COL13A1: variants seen among roughly 807,000 people sequenced by gnomAD.
COL13A1 encodes the protein collagen alpha-1(XIII) chain.
In COL13A1, 89 loss-of-function variants were observed where a neutral mutation model predicts 130.9. The ratio of observed to expected loss-of-function variants is 0.68; its 90% CI spans 0.57 to 0.81. The LOEUF (loss-of-function observed/expected upper bound fraction) is 0.81. Among genes scored for constraint, COL13A1 ranks in the 30% least tolerant of loss-of-function variants. The pLI is 0.00. For missense variants in COL13A1, 879 were observed against 934.6 expected (o/e 0.94, Z 0.78); for synonymous variants, 402 against 341.6 (o/e 1.18, Z -1.95).
intron 17 of COL13A1, among the ~76,000 whole-genome samples, chr10:69,910,614 C>T (rs929828578): frequency 2.6e-5 from 4 of 152,216 alleles, no homozygotes; most frequent in Non-Finnish European, 5.9e-5. Flanking sequence ...CCCTGTGCTG[C>T]CCCCATGCCC....
chr10:69,935,076 T>C (rs1045716011), intron 31 of COL13A1, among the ~76,000 whole-genome samples: 2 of 151,176 alleles, frequency 1.3e-5, no homozygotes, highest in Non-Finnish European at 2.9e-5. Flanking sequence ...GGTGTTTTTT[T>C]TGTTTTTTTT....
intron 5 of COL13A1, among the ~76,000 whole-genome samples, chr10:69,875,501 G>GC (rs1220479282): frequency 6.6e-6 from 1 of 152,130 alleles, no homozygotes; most frequent in Non-Finnish European, 1.5e-5. Context: ...CTGCCACTCC[G>GC]CCCCCCAAAG....
chr10:69,937,654 G>C lies in COL13A1; in HGVS notation c.1817G>C (p.Gly606Ala), dbSNP rs745636298. Residue 606 changes from glycine to alanine, a missense_variant, in exon 34 of 41, where the codon GGA (glycine) becomes GCA (alanine). By Grantham distance (60) the Gly-to-Ala change is moderately conservative. Transcript: ENST00000645393. ...CTCCAGGGGGAAGCAGGACTAGATG[G>C]AGCAAAAGGAGAGAAAGGCTTCCAG... ...PGPKGEAGLD[G>A]AKGEKGFQGE... 2 of 1,563,142 alleles carry C rather than the reference G, an allele frequency of 1.3e-6. No individual in the cohort carries two copies. The highest frequency in any genetic ancestry group is 2.2e-5 in the South Asian group (2 of 89,944).
At chr10:69,946,221 C>T (rs12780431) in intron 37 of COL13A1, among the ~76,000 whole-genome samples, 30,058 of 152,184 alleles carry the variant, frequency 0.2, 3,389 homozygotes, top group South Asian at 0.32. Flanking sequence ...CTGGGCATTG[C>T]GCTGTGAGAG....
chr10:69,930,459 G>T lies in COL13A1; in HGVS notation c.1590G>T (p.Lys530Asn), dbSNP rs1589598763. The change falls in exon 30 of 41, where the codon AAG (lysine) becomes AAT (asparagine). Residue 530 changes from lysine (K) to asparagine (N), a missense_variant. By Grantham distance (94) the Lys-to-Asn change is moderately conservative. Coordinates refer to ENST00000645393, the MANE Select transcript of COL13A1 (RefSeq NM_001368882.1). ...GPPGPQGPPGKDGPPGVKGEN... is the reference protein window; with the variant it reads ...GPPGPQGPPGNDGPPGVKGEN... The stretch of plus-strand genomic sequence containing the variant: ...CTGGTCCCCAAGGCCCCCCAGGAAA[G>T]GATGGACCTCCAGGAGTGAAGGGAG... 6.2e-6 allele frequency: 10 copies of T among 1,613,872 alleles called. No homozygotes were observed. Among genetic ancestry groups the T allele is most frequent in the Non-Finnish European group, 8.5e-6 (10 of 1,179,788 alleles).
At chr10:69,887,179 T>G (rs1163160212) in intron 7 of COL13A1, among the ~76,000 whole-genome samples, 2 of 152,164 alleles carry the variant, frequency 1.3e-5, no homozygotes, top group Admixed American at 1.3e-4. Context: ...TCCACAGCGG[T>G]GAGGAGCTCT....
chr10:69,898,732 A>C lies in COL13A1; in HGVS notation c.720A>C (p.Pro240=), dbSNP rs1477128819. 1.2e-6 allele frequency: 2 copies of C among 1,612,442 alleles called. No individual in the cohort carries two copies. Among genetic ancestry groups the C allele is most frequent in the Non-Finnish European group, 1.7e-6 (2 of 1,179,212 alleles). The part of the protein sequence containing the change: ...LPLLNSVRLA[P]PPVIKRRTFQ... The stretch of plus-strand genomic sequence containing the variant: ...TCCTCAATTCAGTGCGACTGGCTCC[A>C]CCCCCGGTCATAAAAAGGCGGACGT... Residue 240 remains proline (P), a synonymous_variant, in exon 14 of 41, where the codon CCA becomes CCC. Coordinates refer to ENST00000645393, the MANE Select transcript of COL13A1 (RefSeq NM_001368882.1).
At chr10:69,866,901 C>G (rs768656876) in intron 2 of COL13A1, among the ~76,000 whole-genome samples, 1 of 152,182 alleles carries the variant, frequency 6.6e-6, no homozygotes, top group African/African-American at 2.4e-5. Flanking sequence ...GTGGCCAGGG[C>G]ACTAGGGGCC....
intron 2 of COL13A1, among the ~76,000 whole-genome samples, chr10:69,834,802 A>G (rs1355195261): frequency 6.6e-6 from 1 of 152,138 alleles, no homozygotes; most frequent in African/African-American, 2.4e-5. Flanking sequence ...TGGGGGATGC[A>G]GGATGCCTCA....
Position 69,942,058 on chromosome 10 carries a change from G to A in COL13A1, c.1914+1035G>A, listed in dbSNP as rs1343671810. ...CCAGGGTTCATGTGTGCAGCGTAGG[G>A]GACACACTGAAGCACAGGCTCACAG... is the stretch of plus-strand genomic sequence containing the variant. On this transcript the variant is annotated intron_variant, in intron 35 of 40. Transcript: ENST00000645393. Among the ~76,000 whole-genome samples, 39 of 152,182 alleles carry A rather than the reference G, an allele frequency of 2.6e-4. 1 individual carries two copies. The highest frequency in any genetic ancestry group is 1.5e-5 in the Non-Finnish European group (1 of 68,030).
intron 2 of COL13A1, among the ~76,000 whole-genome samples, chr10:69,850,650 G>A (rs1271318323): frequency 6.6e-6 from 1 of 151,916 alleles, no homozygotes; most frequent in African/African-American, 2.4e-5. Flanking sequence ...GCTGAGGGGG[G>A]CTGAGGCAGA....
intron 21 of COL13A1, 144 bp from the exon 22 acceptor site, chr10:69,921,738 G>A (rs2064703995): frequency 2.0e-6 from 2 of 1,008,350 alleles, no homozygotes; most frequent in South Asian, 1.4e-5. Context: ...GGGAGGAAGT[G>A]GAGCCCTTCA....
intron 39 of COL13A1, chr10:69,954,828 T>G (rs1252542006): frequency 6.6e-6 from 1 of 152,212 alleles, no homozygotes; most frequent in Non-Finnish European, 1.5e-5. Flanking sequence ...AGGTCAAGAA[T>G]GTAGTTAAGG....
In COL13A1 at chr10:69,904,383, G is replaced by T. The variant is rs144429874; in HGVS notation, c.859-550G>T. ...GACTCAGGCATCACGGCTTTCTCCAGCCCACGTTTGCTGTCCACACCTACA... is the reference window on the plus strand; with the variant it reads ...GACTCAGGCATCACGGCTTTCTCCATCCCACGTTTGCTGTCCACACCTACA... On this transcript the variant is annotated intron_variant, in intron 15 of 40. Transcript: ENST00000645393. Among the ~76,000 whole-genome samples the T allele has an allele frequency of 4.4e-3, 674 of 152,286 alleles. 10 individuals are homozygous for T. Among genetic ancestry groups the T allele is most frequent in the African/African-American group, 0.016 (650 of 41,536 alleles).
intron 2 of COL13A1, among the ~76,000 whole-genome samples, chr10:69,826,928 A>G (rs1402900900): frequency 2.0e-5 from 3 of 152,252 alleles, no homozygotes; most frequent in African/African-American, 7.2e-5. Context: ...CAAAACTTGA[A>G]AAAAGAGACA....
At chr10:69,813,576 C>A (rs545183917) in intron 1 of COL13A1, among the ~76,000 whole-genome samples, 1 of 152,274 alleles carries the variant, frequency 6.6e-6, no homozygotes, top group East Asian at 1.9e-4. Context: ...GCCAAGTCCA[C>A]TGCACGAAGA....
chr10:69,852,955 G>C (rs1200856564), intron 2 of COL13A1, among the ~76,000 whole-genome samples: 1 of 152,168 alleles, frequency 6.6e-6, no homozygotes, highest in African/African-American at 2.4e-5. Context: ...AGAGAGCTCT[G>C]ACATCCGCCT....
intron 2 of COL13A1, among the ~76,000 whole-genome samples, chr10:69,842,095 C>T (rs962321192): frequency 6.6e-6 from 1 of 152,212 alleles, no homozygotes; most frequent in Admixed American, 6.5e-5. Context: ...TGAATTGTAG[C>T]TCCCATAATT....
chr10:69,810,250 C>A (rs899779041), intron 1 of COL13A1, among the ~76,000 whole-genome samples: 2 of 152,036 alleles, frequency 1.3e-5, no homozygotes, highest in African/African-American at 4.8e-5. Context: ...GTTCCCAATA[C>A]CTGCTGCAGA....
Sources: allele counts gnomAD v4.1 joint callset (sites outside exome capture counted in the v4.1 genomes callset), GRCh38; gene constraint gnomAD v4.1.1; transcripts MANE v1.5; gene names NCBI Gene and HGNC (gene_info 2026-07-23, HGNC 2026-07-21).